The following ST7 variants were observed in gnomAD, a reference collection of about 807,000 sequenced individuals.
ST7 encodes the protein suppressor of tumorigenicity 7 protein.
Under a neutral mutation model 78.7 loss-of-function variants are expected in ST7, and 28 were observed. That is an observed-to-expected ratio of 0.36 (90% CI 0.26 to 0.49). ST7 has a LOEUF of 0.49. Ranked by LOEUF, ST7 falls within the 20% of genes least tolerant of loss-of-function variation. The pLI, the probability that ST7 is intolerant of heterozygous loss-of-function variation, is 0.99. For synonymous variants in ST7, 247 were observed against 249.6 expected, an observed-to-expected ratio of 0.99 and a Z score of 0.10; for missense variants, 418 against 696.0, an observed-to-expected ratio of 0.60 and a Z score of 4.49.
At chr7:117,004,481 C>G (rs1256861871) in intron 1 of ST7, among the ~76,000 whole-genome samples, 1 of 151,924 alleles carries the variant, frequency 6.6e-6, no homozygotes, top group Non-Finnish European at 1.5e-5. Flanking sequence ...GCTAACATGG[C>G]GAAACCCCAT....
At chr7:117,081,892 T>TGA (rs142782899) in intron 1 of ST7, among the ~76,000 whole-genome samples, 3,058 of 147,036 alleles carry the variant, frequency 0.021, 80 homozygotes, top group East Asian at 0.077. Flanking sequence ...AAATAGAGAT[T>TGA]GAGAGAGAGA....
At chr7:117,104,297 G>C (rs565365019) in intron 2 of ST7, among the ~76,000 whole-genome samples, 1 of 152,100 alleles carries the variant, frequency 6.6e-6, no homozygotes, top group Non-Finnish European at 1.5e-5. Flanking sequence ...AAAATTAGCC[G>C]GGTGTGGTGG....
intron 12 of ST7, among the ~76,000 whole-genome samples, chr7:117,207,777 AAGTC>A (rs1254695021): frequency 6.6e-6 from 1 of 152,182 alleles, no homozygotes; most frequent in Non-Finnish European, 1.5e-5. Context: ...AATAATTAGA[AAGTC>A]AGATCAAAAT....
intron 1 of ST7, among the ~76,000 whole-genome samples, chr7:117,059,142 C>A (rs1798214831): frequency 6.6e-6 from 1 of 151,900 alleles, no homozygotes; most frequent in Admixed American, 6.6e-5. Flanking sequence ...ATGAGGTGAC[C>A]ATAGTCAAAT....
In ST7 at chr7:117,203,594, A is replaced by G. The variant is rs573254254; in HGVS notation, c.1255-6193A>G. 1.4e-4 allele frequency among the ~76,000 whole-genome samples: 21 copies of G among 152,234 alleles called. 1 individual carries two copies. In the South Asian group the frequency reaches 4.4e-3, roughly 32 times the overall value. On this transcript the variant is annotated intron_variant, in intron 12 of 15. Transcript: ENST00000323984. ...AACTCTTATTTAATTAGTAAAATTG[A>G]TGTTTTCATTTTTCTGTGAAGCTTC...
rs149479465 is a variant in ST7, at chr7:117,228,998, T to G, written c.1639-764T>G. On this transcript the variant is annotated intron_variant, in intron 15 of 15. Coordinates refer to ENST00000323984, the MANE Select transcript of ST7 (RefSeq NM_001369598.1). ...ATGGGGTGTGGAATGAAACTGATTC[T>G]TCACAAGAACAGAATTAGAATGGAT... is the stretch of plus-strand genomic sequence containing the variant. 1.3e-3 allele frequency among the ~76,000 whole-genome samples: 197 copies of G among 152,352 alleles called. 2 individuals are homozygous for G. Among genetic ancestry groups the G allele is most frequent in the African/African-American group, 4.6e-3 (192 of 41,582 alleles).
chr7:117,071,706 A>C (rs1004520433), intron 1 of ST7, among the ~76,000 whole-genome samples: 4 of 152,234 alleles, frequency 2.6e-5, no homozygotes, highest in Non-Finnish European at 5.9e-5. Context: ...CCTTGGATAA[A>C]GATCTCTAAC....
chr7:117,092,278 CAAAAAAAAA>C (rs747378081), intron 1 of ST7, among the ~76,000 whole-genome samples: 1 of 30,296 alleles, frequency 3.3e-5, no homozygotes, highest in Non-Finnish European at 7.1e-5. Context: ...GACTCCGTCT[CAAAAAAAAA>C]AAAAAAAAAA....
intron 1 of ST7, among the ~76,000 whole-genome samples, chr7:116,960,941 A>G (rs1375613167): frequency 6.6e-6 from 1 of 152,078 alleles, no homozygotes; most frequent in Non-Finnish European, 1.5e-5. Context: ...CAGGGTTTTT[A>G]TAGTTTTTGG....
intron 13 of ST7, among the ~76,000 whole-genome samples, chr7:117,217,022 A>G (rs1418670453): frequency 6.6e-6 from 1 of 152,206 alleles, no homozygotes; most frequent in Non-Finnish European, 1.5e-5. Context: ...CAAATATTGG[A>G]GTGAAAAACA....
At chr7:117,052,602 A>C (rs2116377630) in intron 1 of ST7, among the ~76,000 whole-genome samples, 1 of 152,356 alleles carries the variant, frequency 6.6e-6, no homozygotes, top group South Asian at 2.1e-4. Context: ...TCCAGTCTCT[A>C]AAAAATCTAG....
At chr7:117,091,107 C>A (rs1274396557) in intron 1 of ST7, among the ~76,000 whole-genome samples, 1 of 152,134 alleles carries the variant, frequency 6.6e-6, no homozygotes, top group African/African-American at 2.4e-5. Flanking sequence ...GAAGAGTAGA[C>A]AGAATGATTT....
intron 1 of ST7, among the ~76,000 whole-genome samples, chr7:117,094,630 A>G (rs1800884815): frequency 6.6e-6 from 1 of 152,174 alleles, no homozygotes; most frequent in African/African-American, 2.4e-5. Flanking sequence ...TGCACATTTC[A>G]TCTCAGCCTC....
intron 1 of ST7, among the ~76,000 whole-genome samples, chr7:116,999,452 A>G (rs1266585712): frequency 6.6e-6 from 1 of 152,250 alleles, no homozygotes; most frequent in Non-Finnish European, 1.5e-5. Context: ...CCTATGAGGA[A>G]AAGTATCCAG....
intron 9 of ST7, among the ~76,000 whole-genome samples, chr7:117,145,830 A>G (rs990650971): frequency 1.3e-5 from 2 of 152,208 alleles, no homozygotes; most frequent in South Asian, 2.1e-4. Flanking sequence ...CTTCACTGCT[A>G]TATCAGGTCA....
At chr7:117,202,869 TTC>T (rs1811007413) in intron 12 of ST7, among the ~76,000 whole-genome samples, 11 of 148,366 alleles carry the variant, frequency 7.4e-5, no homozygotes, top group Admixed American at 6.1e-4. Flanking sequence ...AAGTGTTTTT[TTC>T]CCCCCCTCAG....
chr7:117,206,877 G>T (rs940439756), intron 12 of ST7, among the ~76,000 whole-genome samples: 1 of 152,150 alleles, frequency 6.6e-6, no homozygotes, highest in African/African-American at 2.4e-5. Context: ...ACTTTTCCGT[G>T]ATCATGGAAA....
In ST7 at chr7:117,190,571, G is replaced by A. The variant is rs1187640599; in HGVS notation, c.1152-263G>A. On this transcript the variant is annotated intron_variant, in intron 11 of 15. Coordinates refer to ENST00000323984, the MANE Select transcript of ST7 (RefSeq NM_001369598.1). This position sits in a 1 kb window ranked among gnomAD's most constrained non-coding sequence, Gnocchi z 5.2. Reference sequence around the variant, plus strand: ...TGACCTGAGCAGGTACCTCGTAGAAGATTTAGATTAGCCATTTAGACAGAG... The same window carrying A: ...TGACCTGAGCAGGTACCTCGTAGAAAATTTAGATTAGCCATTTAGACAGAG... 6.6e-6 allele frequency among the ~76,000 whole-genome samples: 1 copy of A among 152,212 alleles called. No homozygotes were observed. The highest frequency in any genetic ancestry group is 2.4e-5 in the African/African-American group (1 of 41,462).
At chr7:117,154,397 G>C (rs536651245) in intron 9 of ST7, among the ~76,000 whole-genome samples, 2 of 152,320 alleles carry the variant, frequency 1.3e-5, no homozygotes, top group Admixed American at 1.3e-4. Context: ...GACATTCTGT[G>C]ATAGCAGACT....
Sources: gnomAD v4.1 joint callset for allele counts (sites outside exome capture counted in the v4.1 genomes callset) on GRCh38, gnomAD v4.1.1 for gene constraint, Gnocchi (gnomAD v3.1) non-coding constraint, MANE v1.5 for transcripts, NCBI Gene and HGNC (gene_info 2026-07-23, HGNC 2026-07-21) for gene names.